Variants in ERBB3 observed in about 807,000 individuals in gnomAD.
The protein encoded by ERBB3 is erb-b2 receptor tyrosine kinase 3.
Under a neutral mutation model 156.7 loss-of-function variants are expected in ERBB3, and 96 were observed. That is an observed-to-expected ratio of 0.61 (90% CI 0.52 to 0.73). The LOEUF (loss-of-function observed/expected upper bound fraction) is 0.73, where lower values mean the gene tolerates loss of function less well. Among genes scored for constraint, ERBB3 ranks in the 30% least tolerant of loss-of-function variants. The pLI, the probability that ERBB3 is intolerant of heterozygous loss-of-function variation, is 0.00. For missense variants in ERBB3, 1,406 were observed against 1,709.4 expected, an observed-to-expected ratio of 0.82 and a Z score of 3.13; for synonymous variants, 567 against 632.0, an observed-to-expected ratio of 0.90 and a Z score of 1.54.
chr12:56,082,563 A>G (rs763723222), intron 1 of ERBB3, among the ~76,000 whole-genome samples: 3 of 152,074 alleles, frequency 2.0e-5, no homozygotes, highest in South Asian at 2.1e-4. Flanking sequence ...CCCTCCCTCC[A>G]TTCCCACTGT....
Position 56,102,928 on chromosome 12 carries a change from T to G in ERBB3, c.*873T>G, listed in dbSNP as rs1258957668. ...GATCACTTGAGCCCAGAATTAGAGA[T>G]AAGCCTATGGAAACATAGCAAGACA... On this transcript the variant is annotated 3_prime_UTR_variant, in exon 28 of 28. Coordinates refer to ENST00000267101, the MANE Select transcript of ERBB3 (RefSeq NM_001982.4). 1 of 213,050 alleles carries G rather than the reference T, an allele frequency of 4.7e-6. No individual in the cohort carries two copies. Among genetic ancestry groups the G allele is most frequent in the African/African-American group, 2.4e-5 (1 of 41,260 alleles). 13.2% of individuals were successfully genotyped at this position (213,050 alleles called of 1,614,324 possible).
chr12:56,093,391 C>G lies in ERBB3; in HGVS notation c.1321C>G (p.Leu441Val), dbSNP rs2136809314. 6.2e-7 allele frequency: 1 copy of G among 1,614,072 alleles called. No homozygotes were observed. The highest frequency in any genetic ancestry group is 8.5e-7 in the Non-Finnish European group (1 of 1,180,002). Residue 441 changes from leucine to valine, a missense_variant, in exon 12 of 28, where the codon CTG (leucine) becomes GTG (valine). Around this residue, in one of 3 missense-constraint regions of ERBB3, gnomAD observed 979 missense variants for 1,219.6 expected, o/e 0.80. Coordinates refer to ENST00000267101, the MANE Select transcript of ERBB3 (RefSeq NM_001982.4). ...LIMKNLNVTS[L>V]GFRSLKEISA... The stretch of plus-strand genomic sequence containing the variant: ...CATGAAGAACTTGAATGTCACATCT[C>G]TGGGCTTCCGATCCCTGAAGGAAAT...
intron 3 of ERBB3, 146 bp from the exon 4 acceptor site, chr12:56,086,385 T>C (rs1000398584): frequency 6.2e-6 from 6 of 975,082 alleles, no homozygotes; most frequent in Non-Finnish European, 9.7e-6. Context: ...AAGGGAGTCT[T>C]CTCTGCAGCT....
At chr12:56,080,453 G>A in intron 1 of ERBB3, 71 bp downstream of exon 1, 1 of 1,266,366 alleles carries the variant, frequency 7.9e-7, no homozygotes, top group Non-Finnish European at 1.1e-6. Flanking sequence ...GCCTCGGAGG[G>A]TATGGGCACG....
In ERBB3 at chr12:56,100,292, G is replaced by GA. The variant is rs769708325; in HGVS notation, c.3201+48dup. On this transcript the variant is annotated intron_variant, in intron 26 of 27. Transcript: ENST00000267101. Reference sequence around the variant, plus strand: ...CTGGGTTTTAGGATCAGATTGATACGAGTAGTATGGAAGACATTAGAAACC... The same window carrying GA: ...CTGGGTTTTAGGATCAGATTGATACGAAGTAGTATGGAAGACATTAGAAACC... The GA allele has an allele frequency of 3.1e-5, 44 of 1,407,558 alleles. 2 individuals carry two copies. In the South Asian group the frequency reaches 4.2e-4, roughly 13 times the overall value. The allele number at this position is 1,407,558 out of a possible 1,614,324, so 87.2% of individuals were successfully genotyped here.
intron 9 of ERBB3, among the ~76,000 whole-genome samples, chr12:56,090,182 T>A (rs1214246341): frequency 6.6e-6 from 1 of 151,866 alleles, no homozygotes; most frequent in Non-Finnish European, 1.5e-5. Flanking sequence ...GTATTTTTAG[T>A]AGAGACAGGG....
intron 2 of ERBB3, among the ~76,000 whole-genome samples, chr12:56,084,690 A>G (rs1482273071): frequency 4.0e-5 from 6 of 151,190 alleles, no homozygotes; most frequent in African/African-American, 1.5e-4. Flanking sequence ...CTCTACTAAA[A>G]ATACAAAATT....
rs1355693793 is a variant in ERBB3 at position 56,100,187 on chromosome 12, T to C, written c.3143T>C (p.Leu1048Ser). ...TTTTCATCCTAGAGCCAGAGCCTTT[T>C]AAGTCCATCATCTGGATACATGCCC... ...LNRPRGSQSL[L>S]SPSSGYMPMN... The change falls in exon 26 of 28, where the codon TTA becomes TCA. Residue 1048 changes from leucine to serine, a missense_variant. By Grantham distance (145) the Leu-to-Ser change is moderately radical. This residue lies in a region of ERBB3 where 415 missense variants were observed against 454.1 expected (regional missense o/e 0.91). Transcript: ENST00000267101. 6.2e-7 allele frequency: 1 copy of C among 1,614,092 alleles called. No homozygotes were observed. Among genetic ancestry groups the C allele is most frequent in the Non-Finnish European group, 8.5e-7 (1 of 1,179,908 alleles).
Position 56,101,673 on chromosome 12 carries a change from C to T in ERBB3, c.3647C>T (p.Ser1216Phe), listed in dbSNP as rs1281265231. 15 of 1,613,878 alleles carry T rather than the reference C, an allele frequency of 9.3e-6. No homozygotes were observed. Among genetic ancestry groups the T allele is most frequent in the Non-Finnish European group, 1.3e-5 (15 of 1,180,026 alleles). The change falls in exon 28 of 28, where the codon TCC becomes TTC. Residue 1216 changes from serine to phenylalanine, a missense_variant. Around this residue, in one of 3 missense-constraint regions of ERBB3, gnomAD observed 415 missense variants for 454.1 expected, o/e 0.91. Coordinates refer to ENST00000267101, the MANE Select transcript of ERBB3 (RefSeq NM_001982.4). ...HSPPHPPRPS[S>F]LEELGYEYMD... is the part of the protein sequence containing the mutation. ...CCACCTCATCCCCCTAGGCCAAGTT[C>T]CCTTGAGGAGCTGGGTTATGAGTAC... is the stretch of plus-strand genomic sequence containing the variant.
chr12:56,089,811 G>T (rs1361744733), intron 9 of ERBB3, among the ~76,000 whole-genome samples: 1 of 151,298 alleles, frequency 6.6e-6, no homozygotes, highest in Non-Finnish European at 1.5e-5. Context: ...CACTCATTCT[G>T]CTCCTTGGAG....
At chr12:56,088,923 C>A (rs1868577067) in intron 9 of ERBB3, 55 bp downstream of exon 9, 3 of 1,611,092 alleles carry the variant, frequency 1.9e-6, no homozygotes, top group African/African-American at 2.7e-5. Flanking sequence ...CCTCACAGTT[C>A]ATTTCATTGG....
At position 56,101,577 on chromosome 12, in the gene ERBB3, C is replaced by CT; in HGVS notation, c.3552dup (p.Val1185CysfsTer5). On this transcript the variant is annotated frameshift_variant, in exon 28 of 28. Coordinates refer to ENST00000267101, the MANE Select transcript of ERBB3 (RefSeq NM_001982.4). LOFTEE classifies it high-confidence loss of function. The stretch of plus-strand genomic sequence containing the variant: ...ACCCTTTCTTCAGTGGGTCTCAGTT[C>CT]TGTCCTGGGTACTGAAGAAGAAGAT... 1 of 1,614,104 alleles carries CT rather than the reference C, an allele frequency of 6.2e-7. No individual in the cohort carries two copies. Among genetic ancestry groups the CT allele is most frequent in the Non-Finnish European group, 8.5e-7 (1 of 1,180,010 alleles).
chr12:56,082,238 G>A (rs1868362024), intron 1 of ERBB3, among the ~76,000 whole-genome samples: 1 of 152,198 alleles, frequency 6.6e-6, no homozygotes, highest in South Asian at 2.1e-4. Flanking sequence ...GTGTGTGTAT[G>A]TGTGTGCCCA....
intron 1 of ERBB3, chr12:56,083,166 C>T (rs1055447690): frequency 4.6e-5 from 8 of 172,628 alleles, no homozygotes; most frequent in Admixed American, 1.1e-4. Flanking sequence ...CTGCTGAGGA[C>T]GGGGTGTCTA....
intron 9 of ERBB3, among the ~76,000 whole-genome samples, chr12:56,091,747 A>G (rs1362645933): frequency 2.0e-5 from 3 of 152,242 alleles, no homozygotes; most frequent in Non-Finnish European, 4.4e-5. Context: ...CACTTAGTTA[A>G]GGTGATATCT....
chr12:56,086,491 G>T (rs750714635), intron 3 of ERBB3, 40 bp from the exon 4 acceptor site: 1 of 1,613,292 alleles, frequency 6.2e-7, no homozygotes. Context: ...GAGGCGTTCC[G>T]CTGCGGCCCT....
chr12:56,083,763 C>T lies in ERBB3; in HGVS notation c.95C>T (p.Thr32Ile), dbSNP rs2136785629. Residue 32 changes from threonine to isoleucine, a missense_variant, in exon 2 of 28, where the codon ACT (threonine) becomes ATT (isoleucine). By Grantham distance (89) the Thr-to-Ile change is moderately conservative. This residue lies in a region of ERBB3 where 979 missense variants were observed against 1,219.6 expected (regional missense o/e 0.80). Transcript: ENST00000267101. Reference protein sequence around the residue: ...VGNSQAVCPGTLNGLSVTGDA... With the variant: ...VGNSQAVCPGILNGLSVTGDA... Reference sequence around the variant, plus strand: ...CTGCTTTGAACAGTGTGTCCTGGGACTCTGAATGGCCTGAGTGTGACCGGC... The same window carrying T: ...CTGCTTTGAACAGTGTGTCCTGGGATTCTGAATGGCCTGAGTGTGACCGGC... The T allele has an allele frequency of 6.2e-7, 1 of 1,614,130 alleles. No homozygotes were observed. Among genetic ancestry groups the T allele is most frequent in the Non-Finnish European group, 8.5e-7 (1 of 1,180,010 alleles).
At chr12:56,087,474 T>C in intron 4 of ERBB3, 103 bp from the exon 5 acceptor site, 1 of 1,018,470 alleles carries the variant, frequency 9.8e-7, no homozygotes, top group East Asian at 2.4e-5. Context: ...GGCTTTTTGC[T>C]TCCCGGGATT....
intron 25 of ERBB3, 21 bp from the exon 26 acceptor site, chr12:56,100,153 T>C: frequency 6.2e-7 from 1 of 1,610,604 alleles, no homozygotes; most frequent in South Asian, 1.1e-5. Context: ...TCTTAACCTT[T>C]TCCTTATTTT....
Sources: allele counts gnomAD v4.1 joint callset (sites outside exome capture counted in the v4.1 genomes callset), GRCh38; gene constraint gnomAD v4.1.1; regional missense constraint gnomAD v4.1.1; transcripts MANE v1.5; gene names NCBI Gene and HGNC (gene_info 2026-07-23, HGNC 2026-07-21).